UNC13C: variants seen among roughly 807,000 people sequenced by gnomAD.
UNC13C encodes the protein unc-13 homolog C, also known as protein unc-13 homolog C.
In UNC13C, 174 loss-of-function variants were observed where a neutral mutation model predicts 245.4. That is an observed-to-expected ratio of 0.71 (90% CI 0.63 to 0.80). The LOEUF is 0.80. Among genes scored for constraint, UNC13C ranks in the 30% least tolerant of loss-of-function variants. The pLI is 0.00. For synonymous variants in UNC13C, 992 were observed against 895.1 expected, an observed-to-expected ratio of 1.11 and a Z score of -1.93; for missense variants, 2,829 against 2,602.9, an observed-to-expected ratio of 1.09 and a Z score of -1.89.
At chr15:53,902,667 G>A in the UNC13C span, among the ~76,000 whole-genome samples, 1 of 152,034 alleles carries the variant, frequency 6.6e-6, no homozygotes, top group Admixed American at 6.6e-5. Context: ...GTGCATAAGG[G>A]GGTATATAAT....
intron 4 of UNC13C, among the ~76,000 whole-genome samples, chr15:54,146,234 C>T (rs2032250730): frequency 6.6e-6 from 1 of 152,082 alleles, no homozygotes; most frequent in Non-Finnish European, 1.5e-5. Context: ...AAAACTATGA[C>T]TGGGGCAGAC....
chr15:54,281,666 T>C (rs2037000851), intron 10 of UNC13C, among the ~76,000 whole-genome samples: 2 of 152,240 alleles, frequency 1.3e-5, no homozygotes, highest in Non-Finnish European at 2.9e-5. Flanking sequence ...CAAGTATTGC[T>C]TATGTATCTA....
At chr15:54,389,748 T>C (rs1262113693) in intron 17 of UNC13C, among the ~76,000 whole-genome samples, 44 of 151,774 alleles carry the variant, frequency 2.9e-4, no homozygotes, top group Non-Finnish European at 2.9e-5. Flanking sequence ...TTTTTTTCTG[T>C]GATGGAATCT....
At chr15:54,487,864 C>T (rs1364775988) in intron 19 of UNC13C, among the ~76,000 whole-genome samples, 5 of 150,910 alleles carry the variant, frequency 3.3e-5, no homozygotes, top group Non-Finnish European at 4.4e-5. Context: ...TCCTATTTTC[C>T]TCTCTAGAGG....
chr15:54,425,656 T>C (rs1462754030), intron 19 of UNC13C, among the ~76,000 whole-genome samples: 2 of 151,862 alleles, frequency 1.3e-5, no homozygotes, highest in Non-Finnish European at 2.9e-5. Context: ...GAACACTAAG[T>C]TAAAATTTCA....
chr15:54,442,403 G>A (rs924324515), intron 19 of UNC13C, among the ~76,000 whole-genome samples: 1 of 151,552 alleles, frequency 6.6e-6, no homozygotes, highest in Non-Finnish European at 1.5e-5. Context: ...TTGTATTTTT[G>A]TAGAGACCAG....
At chr15:54,255,779 C>T (rs1313634442) in intron 8 of UNC13C, among the ~76,000 whole-genome samples, 1 of 152,140 alleles carries the variant, frequency 6.6e-6, no homozygotes, top group Admixed American at 6.5e-5. Context: ...GAGACCAAGC[C>T]CTTCCCCTTC....
chr15:53,933,619 G>A, the UNC13C span, among the ~76,000 whole-genome samples: 6 of 152,078 alleles, frequency 3.9e-5, no homozygotes, highest in Admixed American at 2.6e-4. Context: ...ACCTTAACAC[G>A]CACAGTTAGC....
At chr15:53,881,322 A>G in the UNC13C span, among the ~76,000 whole-genome samples, 1 of 152,182 alleles carries the variant, frequency 6.6e-6, no homozygotes, top group Admixed American at 6.6e-5. Context: ...ATTGTGTCCA[A>G]GCATGTGGAA....
chr15:54,230,824 C>A (rs8023723), intron 4 of UNC13C, among the ~76,000 whole-genome samples: 2 of 151,700 alleles, frequency 1.3e-5, no homozygotes, highest in African/African-American at 2.4e-5. Flanking sequence ...CCCACATTGC[C>A]TACCTATATC....
chr15:54,560,574 C>T lies in UNC13C; in HGVS notation c.5958+5062C>T, dbSNP rs564378576. 2.0e-4 allele frequency among the ~76,000 whole-genome samples: 30 copies of T among 151,934 alleles called. 1 individual carries two copies. The South Asian group carries it at 5.6e-3, about 28-fold the overall frequency. On this transcript the variant is annotated intron_variant, in intron 29 of 32. Coordinates refer to ENST00000260323, the MANE Select transcript of UNC13C (RefSeq NM_001080534.3). Reference sequence around the variant, plus strand: ...TTCATATATAGCTCCTTCCTACCCCCGCGGTGATAATAGTGCTCCTTATCA... The same window carrying T: ...TTCATATATAGCTCCTTCCTACCCCTGCGGTGATAATAGTGCTCCTTATCA...
At chr15:54,284,070 C>G (rs1293184917) in intron 10 of UNC13C, among the ~76,000 whole-genome samples, 1 of 152,164 alleles carries the variant, frequency 6.6e-6, no homozygotes, top group East Asian at 1.9e-4. Context: ...TTTTGTTCCT[C>G]ATTACAACCA....
chr15:54,301,369 A>G (rs2037577958), intron 13 of UNC13C, among the ~76,000 whole-genome samples: 1 of 150,430 alleles, frequency 6.6e-6, no homozygotes, highest in Non-Finnish European at 1.5e-5. Flanking sequence ...TACATGCGCC[A>G]TGGTGGTTTG....
intron 11 of UNC13C, among the ~76,000 whole-genome samples, chr15:54,296,184 A>G (rs2037424604): frequency 1.3e-5 from 2 of 151,538 alleles, no homozygotes; most frequent in Admixed American, 1.3e-4. Flanking sequence ...TGGCCCCAGC[A>G]GAGAATTTTT....
At chr15:54,050,358 C>T in intron 2 of UNC13C, 1 of 560,746 alleles carries the variant, frequency 1.8e-6, no homozygotes, top group East Asian at 4.5e-5. Context: ...TACCATTCCT[C>T]AGAAGGCACT....
At chr15:54,605,538 T>C (rs1333859301) in intron 30 of UNC13C, among the ~76,000 whole-genome samples, 1 of 152,182 alleles carries the variant, frequency 6.6e-6, no homozygotes, top group African/African-American at 2.4e-5. Flanking sequence ...AAAAAAAATG[T>C]AGCTGCTGGA....
chr15:53,963,201 C>G, the UNC13C span, among the ~76,000 whole-genome samples: 1 of 152,148 alleles, frequency 6.6e-6, no homozygotes, highest in East Asian at 1.9e-4. Flanking sequence ...AACTCTCCCC[C>G]ACTTACACTC....
the UNC13C span, among the ~76,000 whole-genome samples, chr15:53,907,723 A>AACGCGGGAG: frequency 1.4e-4 from 16 of 116,840 alleles, no homozygotes; most frequent in South Asian, 9.3e-4. Flanking sequence ...TATTATCTAA[A>AACGCGGGAG]GAATTATTCA....
At chr15:54,616,956 A>G (rs1900480180) in intron 30 of UNC13C, among the ~76,000 whole-genome samples, 1 of 152,096 alleles carries the variant, frequency 6.6e-6, no homozygotes, top group Non-Finnish European at 1.5e-5. Flanking sequence ...AGATACACAA[A>G]TACAGGTGTT....
Sources: gnomAD v4.1 joint callset for allele counts (sites outside exome capture counted in the v4.1 genomes callset) on GRCh38, gnomAD v4.1.1 for gene constraint, MANE v1.5 for transcripts, NCBI Gene and HGNC (gene_info 2026-07-23, HGNC 2026-07-21) for gene names.